The following DYNC2H1 variants were observed in gnomAD, a reference collection of about 807,000 sequenced individuals.
DYNC2H1 encodes cytoplasmic dynein 2 heavy chain 1.
DYNC2H1 carries 410 observed loss-of-function variants against 570.0 expected under a neutral mutation model. The ratio of observed to expected loss-of-function variants is 0.72; its 90% confidence interval spans 0.66 to 0.78. The LOEUF is 0.78. DYNC2H1 is among the 30% of genes least tolerant of loss of function. The pLI is 0.00. For synonymous variants in DYNC2H1, 1,688 were observed against 1,677.6 expected, an observed-to-expected ratio of 1.01 and a Z score of -0.15; for missense variants, 4,865 against 5,046.4, an observed-to-expected ratio of 0.96 and a Z score of 1.09.
intron 74 of DYNC2H1, among the ~76,000 whole-genome samples, chr11:103,287,009 T>C (rs989958703): frequency 6.6e-6 from 1 of 152,170 alleles, no homozygotes; most frequent in Non-Finnish European, 1.5e-5. Context: ...ATCATAGATA[T>C]GCATGAATCA....
intron 79 of DYNC2H1, among the ~76,000 whole-genome samples, chr11:103,312,905 A>C (rs140683051): frequency 6.4e-4 from 98 of 152,250 alleles, no homozygotes; most frequent in African/African-American, 2.3e-3. Context: ...TGTTCTTGAT[A>C]TGTTGTGTTT....
intron 84 of DYNC2H1, among the ~76,000 whole-genome samples, chr11:103,423,211 A>C (rs1434546685): frequency 6.6e-6 from 1 of 151,860 alleles, no homozygotes; most frequent in Admixed American, 6.6e-5. Flanking sequence ...AATGGAATCC[A>C]TTAATCAATG....
intron 17 of DYNC2H1, among the ~76,000 whole-genome samples, chr11:103,136,185 G>C (rs1189537061): frequency 6.7e-6 from 1 of 148,198 alleles, no homozygotes; most frequent in Admixed American, 6.7e-5. Flanking sequence ...TGAGAAACTT[G>C]TTTTTTTTGG....
chr11:103,402,920 C>G (rs531589557), intron 84 of DYNC2H1: 3 of 152,086 alleles, frequency 2.0e-5, no homozygotes, highest in African/African-American at 7.2e-5. Flanking sequence ...AAACTGGAAG[C>G]CTGTAATGAC....
intron 83 of DYNC2H1, among the ~76,000 whole-genome samples, chr11:103,390,488 C>T (rs1250102006): frequency 2.0e-5 from 3 of 152,068 alleles, no homozygotes. Flanking sequence ...GAGCATTTAG[C>T]CCATTTACAT....
At chr11:103,148,362 T>C in intron 19 of DYNC2H1, 128 bp from the exon 20 acceptor site, 1 of 978,822 alleles carries the variant, frequency 1.0e-6, no homozygotes, top group Non-Finnish European at 1.4e-6. Context: ...TGAAAGCAAA[T>C]GATAATTTAG....
chr11:103,307,863 G>A (rs900141509), intron 78 of DYNC2H1, 32 bp downstream of exon 78: 12 of 1,324,366 alleles, frequency 9.1e-6, no homozygotes, highest in South Asian at 1.3e-5. Context: ...ATCACCAGTT[G>A]TATGAAAGCA....
intron 70 of DYNC2H1, among the ~76,000 whole-genome samples, chr11:103,276,017 A>G (rs1865892262): frequency 6.6e-6 from 1 of 152,214 alleles, no homozygotes; most frequent in African/African-American, 2.4e-5. Context: ...CAACATCCTT[A>G]CCATTATTTG....
In DYNC2H1 at chr11:103,245,332, C is replaced by G. The variant is rs1387599560; in HGVS notation, c.10000C>G (p.Pro3334Ala). 6.3e-7 allele frequency: 1 copy of G among 1,581,156 alleles called. No individual in the cohort carries two copies. The highest frequency in any genetic ancestry group is 1.8e-5 in the Admixed American group (1 of 55,442). ...LIIQEMDGVE[P>A]VLYPLLRRDL... ...TATACAAGAGATGGATGGTGTAGAACCTGTTCTTTATCCATTATTGAGACG... is the reference window on the plus strand; with the variant it reads ...TATACAAGAGATGGATGGTGTAGAAGCTGTTCTTTATCCATTATTGAGACG... Residue 3334 changes from proline to alanine, a missense_variant, in exon 65 of 89, where the codon CCT becomes GCT. Pro to Ala is a conservative substitution (Grantham distance 27). Transcript: ENST00000375735. The surrounding 1 kb of genome is among the most constrained non-coding windows in gnomAD (Gnocchi z 4.5).
intron 55 of DYNC2H1, among the ~76,000 whole-genome samples, chr11:103,216,229 T>C (rs1272340545): frequency 6.6e-6 from 1 of 152,210 alleles, no homozygotes; most frequent in Non-Finnish European, 1.5e-5. Context: ...CTTTTAATTT[T>C]CTCAAGATTT....
rs150040702 is a variant in DYNC2H1, at chr11:103,224,883, C to G, written c.9353+1797C>G. Among the ~76,000 whole-genome samples the G allele has an allele frequency of 2.3e-4, 35 of 152,240 alleles. No individual in the cohort carries two copies. The East Asian group carries it at 6.0e-3, about 26-fold the overall frequency. ...TTCCTACCAAAAGTGTAAAAGTGTT[C>G]CCTTTTCACTGCATCCCTGCCAACA... On this transcript the variant is annotated intron_variant, in intron 59 of 88. Transcript: ENST00000375735.
intron 83 of DYNC2H1, among the ~76,000 whole-genome samples, chr11:103,393,768 C>T (rs900610572): frequency 1.3e-5 from 2 of 152,142 alleles, no homozygotes; most frequent in Non-Finnish European, 2.9e-5. Flanking sequence ...GTTTAATGAA[C>T]TTATAGTTCC....
At chr11:103,346,499 A>G (rs1565514645) in intron 82 of DYNC2H1, among the ~76,000 whole-genome samples, 1 of 152,202 alleles carries the variant, frequency 6.6e-6, no homozygotes, top group African/African-American at 2.4e-5. Context: ...TCATATTTTG[A>G]GTTCTAAGAC....
chr11:103,158,553 G>A (rs1860937655), intron 26 of DYNC2H1, 124 bp from the exon 27 acceptor site: 6 of 688,296 alleles, frequency 8.7e-6, no homozygotes, highest in Non-Finnish European at 1.2e-5. Flanking sequence ...TCCTAGAGGT[G>A]TAATACTGTT....
rs1407031612 is a variant in DYNC2H1 at position 103,369,996 on chromosome 11, A to G, written c.12156+11637A>G. Among the ~76,000 whole-genome samples the G allele has an allele frequency of 1.3e-5, 2 of 152,214 alleles. No homozygotes were observed. The highest frequency in any genetic ancestry group is 2.9e-5 in the Non-Finnish European group (2 of 68,036). ...TAGGTAGAAGCTTGGCTACAGAGAT[A>G]GGACACCAAAGAGGCTCTTGGAGCC... On this transcript the variant is annotated intron_variant, in intron 83 of 88. Transcript: ENST00000375735. This position sits in a 1 kb window ranked among gnomAD's most constrained non-coding sequence, Gnocchi z 4.0.
intron 1 of DYNC2H1, among the ~76,000 whole-genome samples, chr11:103,111,842 T>C (rs1298957349): frequency 1.3e-5 from 2 of 152,190 alleles, no homozygotes; most frequent in South Asian, 2.1e-4. Flanking sequence ...TTAGCGTGAT[T>C]CAATAAGTTA....
Position 103,163,709 on chromosome 11 carries a change from T to G in DYNC2H1, c.4611+562T>G, listed in dbSNP as rs1861189117. Reference sequence around the variant, plus strand: ...TCAAAATGTAGCACTAAGACTTGTGTTAAACATCCTGCGTTGTTTAATAGT... The same window carrying G: ...TCAAAATGTAGCACTAAGACTTGTGGTAAACATCCTGCGTTGTTTAATAGT... On this transcript the variant is annotated intron_variant, in intron 30 of 88. Coordinates refer to ENST00000375735, the MANE Select transcript of DYNC2H1 (RefSeq NM_001377.3). This position sits in a 1 kb window ranked among gnomAD's most constrained non-coding sequence, Gnocchi z 4.6. Among the ~76,000 whole-genome samples, 1 of 152,162 alleles carries G rather than the reference T, an allele frequency of 6.6e-6. No homozygotes were observed. The highest frequency in any genetic ancestry group is 2.1e-4 in the South Asian group (1 of 4,830).
chr11:103,327,336 CGT>C (rs372436489), intron 82 of DYNC2H1, among the ~76,000 whole-genome samples: 5 of 151,766 alleles, frequency 3.3e-5, no homozygotes, highest in Admixed American at 2.0e-4. Flanking sequence ...CAAATACATA[CGT>C]GTGTGTGTGT....
chr11:103,430,872 G>A (rs540575044), intron 84 of DYNC2H1, among the ~76,000 whole-genome samples: 94 of 152,088 alleles, frequency 6.2e-4, no homozygotes, highest in Non-Finnish European at 1.1e-3. Flanking sequence ...CTCTACCTTC[G>A]TGTTCACAAT....
Sources: gnomAD v4.1 joint callset for allele counts (sites outside exome capture counted in the v4.1 genomes callset) on GRCh38, gnomAD v4.1.1 for gene constraint, Gnocchi (gnomAD v3.1) non-coding constraint, MANE v1.5 for transcripts, NCBI Gene and HGNC (gene_info 2026-07-23, HGNC 2026-07-21) for gene names.